Variants in CSMD1 observed in about 807,000 individuals in gnomAD.
CSMD1 encodes CUB and sushi domain-containing protein 1.
In CSMD1, 213 loss-of-function variants were observed where a neutral mutation model predicts 417.5. The observed-to-expected ratio is 0.51, with a 90% CI of 0.46 to 0.57. CSMD1 has a LOEUF of 0.57. Ranked by LOEUF, CSMD1 falls within the 20% of genes least tolerant of loss-of-function variation. CSMD1 has a pLI of 0.00. For synonymous variants in CSMD1, 2,862 were observed against 1,736.8 expected (o/e 1.65, Z -16.11); for missense variants, 6,923 against 4,529.7 (o/e 1.53, Z -15.17).
chr8:3,943,611 C>T (rs1354965820), intron 5 of CSMD1, among the ~76,000 whole-genome samples: 1 of 151,570 alleles, frequency 6.6e-6, no homozygotes, highest in Non-Finnish European at 1.5e-5. Context: ...GCTGGTAAAC[C>T]CCATGTAACC....
At chr8:4,399,593 C>G (rs1329944318) in intron 3 of CSMD1, among the ~76,000 whole-genome samples, 1 of 152,054 alleles carries the variant, frequency 6.6e-6, no homozygotes, top group Non-Finnish European at 1.5e-5. Context: ...ACCCCTGGAT[C>G]TTGCCATATT....
chr8:4,031,310 G>C (rs746566224), intron 4 of CSMD1, among the ~76,000 whole-genome samples: 1 of 152,216 alleles, frequency 6.6e-6, no homozygotes, highest in East Asian at 1.9e-4. Flanking sequence ...ACCGTCCCAA[G>C]TGGCTGGGGA....
chr8:3,309,508 G>A (rs958416742), intron 23 of CSMD1, among the ~76,000 whole-genome samples: 2 of 152,174 alleles, frequency 1.3e-5, no homozygotes, highest in Non-Finnish European at 1.5e-5. Flanking sequence ...AGCTTCTGCA[G>A]TACTGAGAGC....
At chr8:4,993,391 T>G (rs3860870) in intron 1 of CSMD1, among the ~76,000 whole-genome samples, 22,150 of 152,176 alleles carry the variant, frequency 0.15, 2,040 homozygotes, top group East Asian at 0.4. Context: ...TCTCTCTCTC[T>G]GTCTCTCTCC....
intron 12 of CSMD1, among the ~76,000 whole-genome samples, chr8:3,422,820 G>A (rs992850965): frequency 2.0e-5 from 3 of 152,196 alleles, no homozygotes; most frequent in African/African-American, 7.2e-5. Flanking sequence ...AAGGCACTGG[G>A]AAGGTTGGTG....
intron 7 of CSMD1, among the ~76,000 whole-genome samples, chr8:3,637,360 G>C (rs1314672858): frequency 6.6e-6 from 1 of 151,800 alleles, no homozygotes; most frequent in East Asian, 1.9e-4. Flanking sequence ...TATGAGTTTG[G>C]GCAACATAAA....
At chr8:4,642,635 G>C (rs1353571033) in intron 1 of CSMD1, among the ~76,000 whole-genome samples, 1 of 152,140 alleles carries the variant, frequency 6.6e-6, no homozygotes, top group Non-Finnish European at 1.5e-5. Flanking sequence ...AAGTAGTAGA[G>C]GTGGACATAA....
intron 5 of CSMD1, among the ~76,000 whole-genome samples, chr8:3,841,998 ATTTGTAT>A (rs1256079246): frequency 6.6e-6 from 1 of 152,186 alleles, no homozygotes; most frequent in Non-Finnish European, 1.5e-5. Context: ...TGCAGCATCA[ATTTGTAT>A]ATCGAGTTAA....
At chr8:4,408,544 T>G (rs1796468323) in intron 3 of CSMD1, among the ~76,000 whole-genome samples, 1 of 152,192 alleles carries the variant, frequency 6.6e-6, no homozygotes, top group Admixed American at 6.5e-5. Context: ...ATTTTCCTAT[T>G]TAGATTTATA....
chr8:4,834,482 A>G (rs1800340062), intron 1 of CSMD1, among the ~76,000 whole-genome samples: 1 of 152,184 alleles, frequency 6.6e-6, no homozygotes, highest in Non-Finnish European at 1.5e-5. Context: ...TTAGGCAGGC[A>G]GTGAAGTTCG....
At chr8:2,995,546 G>C (rs1806816786) in intron 54 of CSMD1, among the ~76,000 whole-genome samples, 1 of 152,040 alleles carries the variant, frequency 6.6e-6, no homozygotes, top group South Asian at 2.1e-4. Flanking sequence ...TACACTCTTG[G>C]GCATTTTTCC....
At chr8:4,543,887 T>C (rs1247431698) in intron 2 of CSMD1, among the ~76,000 whole-genome samples, 3 of 152,148 alleles carry the variant, frequency 2.0e-5, no homozygotes, top group African/African-American at 7.2e-5. Context: ...GGACATAAGA[T>C]GTGGAGCGCC....
At chr8:3,799,680 C>A (rs116092729) in intron 5 of CSMD1, among the ~76,000 whole-genome samples, 4,552 of 151,994 alleles carry the variant, frequency 0.03, 172 homozygotes, top group African/African-American at 0.083. Context: ...AATTTTGCTT[C>A]CTTATCTGAC....
At chr8:3,880,644 A>C (rs936454681) in intron 5 of CSMD1, among the ~76,000 whole-genome samples, 7 of 152,214 alleles carry the variant, frequency 4.6e-5, no homozygotes, top group African/African-American at 1.7e-4. Context: ...CATGTTTCTT[A>C]ACCTTTCCTG....
At chr8:3,549,135 T>G (rs911783224) in intron 10 of CSMD1, among the ~76,000 whole-genome samples, 8 of 152,180 alleles carry the variant, frequency 5.3e-5, no homozygotes, top group African/African-American at 4.8e-5. Flanking sequence ...CATGTTTGCT[T>G]TGCTTCTAGA....
intron 5 of CSMD1, among the ~76,000 whole-genome samples, chr8:3,813,715 A>G (rs770289644): frequency 6.6e-6 from 1 of 152,200 alleles, no homozygotes; most frequent in Non-Finnish European, 1.5e-5. Context: ...CACTCCTCCT[A>G]TACCAAATGG....
rs548974182 is a variant in CSMD1 at position 3,964,623 on chromosome 8, G to A, written c.818+33280C>T. On this transcript the variant is annotated intron_variant, in intron 5 of 69. Coordinates refer to ENST00000635120, the MANE Select transcript of CSMD1 (RefSeq NM_033225.6). ...CCCAATTGTAATGTTTTAGCTAGTT[G>A]CAAAGAAATATTTAAATTTGCTATT... Among the ~76,000 whole-genome samples the A allele has an allele frequency of 3.9e-5, 6 of 152,228 alleles. No individual in the cohort carries two copies. The East Asian group carries it at 7.7e-4, about 20-fold the overall frequency.
intron 5 of CSMD1, among the ~76,000 whole-genome samples, chr8:3,921,702 C>A (rs931840800): frequency 2.6e-5 from 4 of 151,916 alleles, no homozygotes; most frequent in Admixed American, 2.0e-4. Context: ...ACTAATTTTC[C>A]TCCTCTCCCT....
At chr8:3,332,676 C>A (rs1806982256) in intron 23 of CSMD1, among the ~76,000 whole-genome samples, 1 of 151,866 alleles carries the variant, frequency 6.6e-6, no homozygotes. Context: ...GGAGTGCGTG[C>A]ATGTGTGCGT....
Sources: allele counts gnomAD v4.1 joint callset (sites outside exome capture counted in the v4.1 genomes callset), GRCh38; gene constraint gnomAD v4.1.1; transcripts MANE v1.5; gene names NCBI Gene and HGNC (gene_info 2026-07-23, HGNC 2026-07-21).